Variants in DHRS4L2 observed in about 807,000 individuals in gnomAD.
DHRS4L2 encodes dehydrogenase/reductase SDR family member 4-like 2.
DHRS4L2 carries 22 observed loss-of-function variants against 23.9 expected under a neutral mutation model. That is an observed-to-expected ratio of 0.92 (90% CI 0.66 to 1.31). The LOEUF (loss-of-function observed/expected upper bound fraction) is 1.31. Among genes scored for constraint, DHRS4L2 ranks in the 40% most tolerant of loss-of-function variants. The pLI, the probability that DHRS4L2 is intolerant of heterozygous loss-of-function variation, is 0.00. For synonymous variants in DHRS4L2, 141 were observed against 123.7 expected, an observed-to-expected ratio of 1.14 and a Z score of -0.93; for missense variants, 385 against 303.3, an observed-to-expected ratio of 1.27 and a Z score of -2.00.
At chr14:23,974,834 G>T (rs375777773) in intron 1 of DHRS4L2, among the ~76,000 whole-genome samples, 3 of 151,922 alleles carry the variant, frequency 2.0e-5, no homozygotes, top group Non-Finnish European at 1.5e-5. Context: ...AGAGGAGCTG[G>T]TACTATTCCT....
chr14:24,001,039 C>T lies in DHRS4L2; in HGVS notation c.486C>T (p.Gly162=), dbSNP rs769045763. 1.2e-5 allele frequency: 19 copies of T among 1,611,534 alleles called. 1 individual carries two copies. The African/African-American group carries it at 2.4e-4, about 21-fold the overall frequency. Residue 162 remains glycine (G), a synonymous_variant, in exon 5 of 8, where the codon GGC becomes GGT. Transcript: ENST00000335125. The part of the protein sequence containing the change: ...VVPEMEKRGG[G]SVVIVSSIAA... ...AGCTCTCTTCTTTTTCCAGAGGCGG[C>T]TCAGTGGTGATCGTGTCTTCCATAG...
At chr14:23,975,370 C>G (rs2033946429) in intron 1 of DHRS4L2, among the ~76,000 whole-genome samples, 1 of 151,690 alleles carries the variant, frequency 6.6e-6, no homozygotes, top group Non-Finnish European at 1.5e-5. Flanking sequence ...ATCCAACTTA[C>G]AAGGGATGTG....
In DHRS4L2 at chr14:23,990,201, C is replaced by T. The variant is rs766123637; in HGVS notation, c.148C>T (p.Arg50Trp). The T allele has an allele frequency of 6.9e-5, 111 of 1,612,656 alleles. 4 individuals are homozygous for T. The highest frequency in any genetic ancestry group is 4.9e-4 in the Middle Eastern group (3 of 6,078). ...STDGIGFAIA[R>W]RLAQDRAHVV... ...TCACAGGATCGGCTTCGCCATCGCCCGGCGTTTGGCCCAGGACAGGGCCCA... is the reference window on the plus strand; with the variant it reads ...TCACAGGATCGGCTTCGCCATCGCCTGGCGTTTGGCCCAGGACAGGGCCCA... The change falls in exon 2 of 8, where the codon CGG (arginine) becomes TGG (tryptophan). Residue 50 changes from arginine to tryptophan, a missense_variant. Transcript: ENST00000335125.
At chr14:23,973,351 CCCG>C (rs2033901647) in intron 1 of DHRS4L2, among the ~76,000 whole-genome samples, 1 of 151,948 alleles carries the variant, frequency 6.6e-6, no homozygotes, top group African/African-American at 2.4e-5. Context: ...AGCCCCAGTT[CCCG>C]CCCATGCCTC....
Position 24,004,302 on chromosome 14 carries a change from A to C in DHRS4L2, c.666-35A>C, listed in dbSNP as rs779491954. ...AAAAAAAAAAAAGAAAGGAAAAGAA[A>C]AAAAAACATAAAGAGATTTCCCTTC... is the stretch of plus-strand genomic sequence containing the variant. On this transcript the variant is annotated intron_variant, in intron 6 of 7. Transcript: ENST00000335125. 4.5e-6 allele frequency: 7 copies of C among 1,556,384 alleles called. No homozygotes were observed. In the Admixed American group the frequency reaches 1.5e-4, roughly 33 times the overall value.
chr14:23,988,886 C>T (rs1334752642), upstream of DHRS4L2: 22 of 1,589,732 alleles, frequency 1.4e-5, no homozygotes, highest in Non-Finnish European at 1.7e-5. Context: ...TCGTCCTGCC[C>T]CTTCGCCCTA....
rs747408253 is a variant in DHRS4L2, at chr14:23,995,142, G to T, written c.408+9G>T. 1 of 1,612,310 alleles carries T rather than the reference G, an allele frequency of 6.2e-7. No homozygotes were observed. The highest frequency in any genetic ancestry group is 8.5e-7 in the Non-Finnish European group (1 of 1,179,032). ...AGGAGGTGTGGGACAAGGTGAGAGG[G>T]GATTAAAGAAGCGCGGAAGGGGGCC... is the stretch of plus-strand genomic sequence containing the variant. On this transcript the variant is annotated intron_variant, in intron 3 of 7. Coordinates refer to ENST00000335125, the MANE Select transcript of DHRS4L2 (RefSeq NM_198083.4).
intron 1 of DHRS4L2, among the ~76,000 whole-genome samples, chr14:23,989,519 TG>T (rs1246724802): frequency 4.0e-5 from 6 of 151,756 alleles, no homozygotes; most frequent in Non-Finnish European, 7.4e-5. Context: ...ACCAGAGCCA[TG>T]TGTCGAGACT....
rs2034046856 is a variant in DHRS4L2 at position 23,981,255 on chromosome 14, A to G, written c.-175-8927A>G. ...GGAATCCAATTTACAAGGGATGTGA[A>G]GGACCTCTTCAAGGAGAACTACAAA... On this transcript the variant is annotated intron_variant, in intron 1 of 5. Transcript: ENST00000534993. 1.3e-5 allele frequency among the ~76,000 whole-genome samples: 2 copies of G among 151,618 alleles called. 1 individual carries two copies. Among genetic ancestry groups the G allele is most frequent in the African/African-American group, 4.8e-5 (2 of 41,246 alleles).
intron 6 of DHRS4L2, among the ~76,000 whole-genome samples, 195 bp from the exon 7 acceptor site, chr14:24,004,142 C>A (rs1190790185): frequency 1.4e-5 from 2 of 146,216 alleles, no homozygotes; most frequent in Non-Finnish European, 1.5e-5. Context: ...CAGTGGCGGG[C>A]GCCTGTAATC....
At chr14:23,987,284 C>T (rs1205236071), upstream of DHRS4L2, 11 of 289,062 alleles carry the variant, frequency 3.8e-5, no homozygotes, top group Non-Finnish European at 6.9e-5. Flanking sequence ...GCAAGTACCA[C>T]CACGCCCGGC....
chr14:23,973,707 TA>T (rs2033912513), intron 1 of DHRS4L2, among the ~76,000 whole-genome samples: 1 of 151,828 alleles, frequency 6.6e-6, no homozygotes, highest in African/African-American at 2.4e-5. Context: ...CTAACTATCC[TA>T]AATATATATG....
intron 2 of DHRS4L2, among the ~76,000 whole-genome samples, chr14:23,993,060 G>A (rs2034300996): frequency 6.7e-6 from 1 of 148,974 alleles, no homozygotes; most frequent in African/African-American, 2.5e-5. Flanking sequence ...GACCTGGAAG[G>A]AGAGGAGTAT....
intron 1 of DHRS4L2, among the ~76,000 whole-genome samples, chr14:23,977,078 A>G (rs2033981483): frequency 6.6e-6 from 1 of 151,898 alleles, no homozygotes; most frequent in Non-Finnish European, 1.5e-5. Context: ...CGTTGTGCAC[A>G]TGTGCCCTAG....
At chr14:23,975,804 A>G (rs188024350) in intron 1 of DHRS4L2, among the ~76,000 whole-genome samples, 1 of 151,904 alleles carries the variant, frequency 6.6e-6, no homozygotes, top group East Asian at 1.9e-4. Flanking sequence ...ATAACACCAC[A>G]CATCTTCAAC....
intron 2 of DHRS4L2, among the ~76,000 whole-genome samples, chr14:23,993,830 C>A (rs577833680): frequency 6.6e-6 from 1 of 151,686 alleles, no homozygotes; most frequent in South Asian, 2.1e-4. Context: ...TCATGGCTCT[C>A]CTGGGCAGCT....
chr14:23,973,468 T>C (rs1304488211), intron 1 of DHRS4L2, among the ~76,000 whole-genome samples: 1 of 151,874 alleles, frequency 6.6e-6, no homozygotes, highest in African/African-American at 2.4e-5. Context: ...TCCTCAAGCG[T>C]GGCCAGAGTG....
upstream of DHRS4L2, among the ~76,000 whole-genome samples, chr14:23,986,985 G>C (rs929563998): frequency 6.6e-6 from 1 of 151,618 alleles, no homozygotes; most frequent in African/African-American, 2.4e-5. Flanking sequence ...TTATACTGCA[G>C]CTCTCCTGTC....
At chr14:23,980,679 C>T (rs1442728398) in intron 1 of DHRS4L2, among the ~76,000 whole-genome samples, 1 of 150,058 alleles carries the variant, frequency 6.7e-6, no homozygotes, top group Non-Finnish European at 1.5e-5. Flanking sequence ...TAGTCCATCA[C>T]ATAAACAGAA....
Sources: gnomAD v4.1 joint callset for allele counts (sites outside exome capture counted in the v4.1 genomes callset) on GRCh38, gnomAD v4.1.1 for gene constraint, MANE v1.5 for transcripts, NCBI Gene and HGNC (gene_info 2026-07-23, HGNC 2026-07-21) for gene names.